Variants in KCNJ3 observed in about 807,000 individuals in gnomAD.
KCNJ3 encodes the protein G protein-activated inward rectifier potassium channel 1.
KCNJ3 carries 4 observed loss-of-function variants against 39.2 expected under a neutral mutation model. The ratio of observed to expected loss-of-function variants is 0.10; its 90% CI spans 0.05 to 0.23. The LOEUF (loss-of-function observed/expected upper bound fraction) is 0.23. Among genes scored for constraint, KCNJ3 ranks in the 10% least tolerant of loss-of-function variants. KCNJ3 has a pLI of 1.00. For missense variants in KCNJ3, 276 were observed against 634.9 expected (o/e 0.43, Z 6.08); for synonymous variants, 230 against 237.4 (o/e 0.97, Z 0.29).
intron 2 of KCNJ3, among the ~76,000 whole-genome samples, chr2:154,837,183 G>A (rs973849520): frequency 1.3e-5 from 2 of 152,078 alleles, no homozygotes; most frequent in African/African-American, 4.8e-5. Context: ...ATCTATCTGT[G>A]TATAATTTCA....
At chr2:154,741,702 G>T (rs938573394) in intron 2 of KCNJ3, among the ~76,000 whole-genome samples, 1 of 151,818 alleles carries the variant, frequency 6.6e-6, no homozygotes, top group South Asian at 2.1e-4. Flanking sequence ...TTAAACATGT[G>T]AGTTTAGTTC....
intron 2 of KCNJ3, among the ~76,000 whole-genome samples, chr2:154,767,933 G>A (rs1686164047): frequency 6.6e-6 from 1 of 152,096 alleles, no homozygotes. Context: ...TTCTCTGATG[G>A]CCAGTGATGG....
At chr2:154,762,716 C>T (rs771859220) in intron 2 of KCNJ3, among the ~76,000 whole-genome samples, 13 of 152,044 alleles carry the variant, frequency 8.6e-5, no homozygotes, top group Non-Finnish European at 1.3e-4. Flanking sequence ...AACTCCACTC[C>T]CTGGGGCCCA....
intron 2 of KCNJ3, among the ~76,000 whole-genome samples, chr2:154,760,475 T>C (rs1686017606): frequency 6.6e-6 from 1 of 152,126 alleles, no homozygotes; most frequent in Admixed American, 6.5e-5. Flanking sequence ...TAGTTGGTTT[T>C]ATTTTAAGGG....
chr2:154,765,435 G>A (rs1028988444), intron 2 of KCNJ3, among the ~76,000 whole-genome samples: 3 of 152,094 alleles, frequency 2.0e-5, no homozygotes, highest in African/African-American at 7.2e-5. Context: ...TTGCTAGAAT[G>A]TAAAGCCCAA....
At chr2:154,852,638 A>G (rs556142650) in intron 2 of KCNJ3, among the ~76,000 whole-genome samples, 7 of 152,160 alleles carry the variant, frequency 4.6e-5, no homozygotes, top group Middle Eastern at 3.4e-3. Context: ...TTTATCTTTA[A>G]ATTTCTCAAA....
At chr2:154,842,650 A>ATAGT (rs1687594375) in intron 2 of KCNJ3, among the ~76,000 whole-genome samples, 2 of 152,280 alleles carry the variant, frequency 1.3e-5, no homozygotes, top group East Asian at 3.9e-4. Context: ...TATATTTAGG[A>ATAGT]TAGTTAGCTC....
chr2:154,730,152 C>T (rs777313222), intron 2 of KCNJ3, among the ~76,000 whole-genome samples: 1 of 152,026 alleles, frequency 6.6e-6, no homozygotes, highest in African/African-American at 2.4e-5. Context: ...AGGGCTTTCT[C>T]CTGGAGAGAC....
At chr2:154,742,024 C>T (rs2105175453) in intron 2 of KCNJ3, among the ~76,000 whole-genome samples, 1 of 151,862 alleles carries the variant, frequency 6.6e-6, no homozygotes, top group East Asian at 1.9e-4. Context: ...ACCTGTTAAA[C>T]AATAACTCCT....
intron 2 of KCNJ3, among the ~76,000 whole-genome samples, chr2:154,742,253 G>A (rs1426060468): frequency 6.6e-6 from 1 of 151,746 alleles, no homozygotes; most frequent in East Asian, 1.9e-4. Flanking sequence ...TCCATTGTAT[G>A]TCTATACCAC....
At chr2:154,702,994 C>A (rs1684932405) in intron 1 of KCNJ3, among the ~76,000 whole-genome samples, 1 of 151,844 alleles carries the variant, frequency 6.6e-6, no homozygotes, top group Non-Finnish European at 1.5e-5. Context: ...GATTTGAGAC[C>A]AGTAGTTGTA....
At chr2:154,734,923 C>T (rs536410106) in intron 2 of KCNJ3, among the ~76,000 whole-genome samples, 1 of 152,234 alleles carries the variant, frequency 6.6e-6, no homozygotes, top group Admixed American at 6.5e-5. Flanking sequence ...ATGAATTGAA[C>T]GGCAGAAAAC....
chr2:154,756,990 T>C (rs912379207), intron 2 of KCNJ3, among the ~76,000 whole-genome samples: 2 of 151,980 alleles, frequency 1.3e-5, no homozygotes, highest in African/African-American at 2.4e-5. Context: ...TCCTATATTC[T>C]TCCAAGAAAA....
At chr2:154,769,588 C>T (rs1686201705) in intron 2 of KCNJ3, among the ~76,000 whole-genome samples, 1 of 152,102 alleles carries the variant, frequency 6.6e-6, no homozygotes, top group Non-Finnish European at 1.5e-5. Flanking sequence ...ATTCGGTTTG[C>T]CAGTATTTTA....
intron 2 of KCNJ3, among the ~76,000 whole-genome samples, chr2:154,850,008 C>CTTTTTTTTTTTTTTTTT (rs373062062): frequency 6.1e-5 from 3 of 48,838 alleles, no homozygotes; most frequent in Admixed American, 3.3e-4. Flanking sequence ...CAGAATAAAT[C>CTTTTTTTTTTTTTTTTT]TTTTTTTTTT....
intron 2 of KCNJ3, among the ~76,000 whole-genome samples, chr2:154,711,971 G>C (rs1271383053): frequency 6.6e-6 from 1 of 152,142 alleles, no homozygotes; most frequent in Non-Finnish European, 1.5e-5. Flanking sequence ...CTTATTTAGA[G>C]ATTGCCTTTT....
rs903749753 is a variant in KCNJ3, at chr2:154,709,591, G to A, written c.703-12G>A. ...GTGGTGATTTCTTCTCTTTTTCTGTGTGCTTGTCTAGTCTCGGCAGACACC... is the reference window on the plus strand; with the variant it reads ...GTGGTGATTTCTTCTCTTTTTCTGTATGCTTGTCTAGTCTCGGCAGACACC... On this transcript the variant is annotated splice_polypyrimidine_tract_variant and intron_variant, in intron 1 of 2. Coordinates refer to ENST00000295101, the MANE Select transcript of KCNJ3 (RefSeq NM_002239.4). 7 of 1,610,082 alleles carry A rather than the reference G, an allele frequency of 4.3e-6. No individual in the cohort carries two copies. Among genetic ancestry groups the A allele is most frequent in the Non-Finnish European group, 5.9e-6 (7 of 1,177,908 alleles).
At chr2:154,802,666 C>T (rs1350485234) in intron 2 of KCNJ3, among the ~76,000 whole-genome samples, 3 of 152,088 alleles carry the variant, frequency 2.0e-5, no homozygotes, top group African/African-American at 7.2e-5. Context: ...TACATAATAA[C>T]TCATGGCTAT....
intron 2 of KCNJ3, among the ~76,000 whole-genome samples, chr2:154,806,520 A>C (rs979767323): frequency 6.6e-6 from 1 of 152,202 alleles, no homozygotes; most frequent in African/African-American, 2.4e-5. Flanking sequence ...TTAGTTGCTT[A>C]TGTGACTAGC....
Sources: allele counts gnomAD v4.1 joint callset (sites outside exome capture counted in the v4.1 genomes callset), GRCh38; gene constraint gnomAD v4.1.1; transcripts MANE v1.5; gene names NCBI Gene and HGNC (gene_info 2026-07-23, HGNC 2026-07-21).